AFF3: variants seen among roughly 807,000 people sequenced by gnomAD.
The protein encoded by AFF3 is AF4/FMR2 family member 3.
Under a neutral mutation model 129.7 loss-of-function variants are expected in AFF3, and 32 were observed. The observed-to-expected ratio is 0.25, with a 90% CI of 0.19 to 0.33. The LOEUF (loss-of-function observed/expected upper bound fraction) is 0.33, where lower values mean the gene tolerates loss of function less well. Among genes scored for constraint, AFF3 ranks in the 10% least tolerant of loss-of-function variants. The pLI is 1.00. For missense variants in AFF3, 1,373 were observed against 1,592.0 expected (o/e 0.86, Z 2.34); for synonymous variants, 644 against 635.4 (o/e 1.01, Z -0.20).
In AFF3 at chr2:99,553,186, C is replaced by T. The variant is rs55849136; in HGVS notation, c.3559+1125G>A. ...TCCTGACCTCAGGCGATCCACTCAC[C>T]TCAGCCTCCCAAAATCTAAGTGCTT... On this transcript the variant is annotated intron_variant, in intron 24 of 24. Coordinates refer to ENST00000672756, the MANE Select transcript of AFF3 (RefSeq NM_001386135.1). Among the ~76,000 whole-genome samples, 443 of 152,306 alleles carry T rather than the reference C, an allele frequency of 2.9e-3. 3 individuals are homozygous for T. The highest frequency in any genetic ancestry group is 0.01 in the African/African-American group (424 of 41,568).
At chr2:99,553,212 T>G (rs1341059830) in intron 24 of AFF3, among the ~76,000 whole-genome samples, 1 of 152,142 alleles carries the variant, frequency 6.6e-6, no homozygotes, top group Non-Finnish European at 1.5e-5. Context: ...CTAAGTGCTT[T>G]TCAAAGCCCT....
chr2:99,560,299 C>G, intron 21 of AFF3, 66 bp downstream of exon 21: 1 of 1,534,766 alleles, frequency 6.5e-7, no homozygotes, highest in East Asian at 2.2e-5. Flanking sequence ...TGCCTTTCAG[C>G]ACCTGGTTTG....
In AFF3 at chr2:99,546,673, G is replaced by A. The variant is rs1346850267; in HGVS notation, c.*4801C>T. 2 of 230,368 alleles carry A rather than the reference G, an allele frequency of 8.7e-6. No homozygotes were observed. The allele number at this position is 230,368 out of a possible 1,614,324, so 14.3% of individuals were successfully genotyped here. ...CCCTCCCACATAGGGGATGCTTCAT[G>A]TCAAGCCACTGGTCTAATGCCTCCG... On this transcript the variant is annotated 3_prime_UTR_variant, in exon 25 of 25. Coordinates refer to ENST00000672756, the MANE Select transcript of AFF3 (RefSeq NM_001386135.1).
In AFF3 at chr2:99,686,693, C is replaced by T. The variant is rs150347801; in HGVS notation, c.1092-14104G>A. 1.9e-4 allele frequency among the ~76,000 whole-genome samples: 29 copies of T among 152,272 alleles called. 2 individuals are homozygous for T. The East Asian group carries it at 4.1e-3, about 21-fold the overall frequency. ...TAATGGTAGAATTTTTAAGGTACAG[C>T]GGTAGCCCCCAAATGGGCCATTTTT... On this transcript the variant is annotated intron_variant, in intron 11 of 24. Transcript: ENST00000672756.
chr2:100,033,190 T>C (rs1200667935), intron 4 of AFF3, among the ~76,000 whole-genome samples: 1 of 152,160 alleles, frequency 6.6e-6, no homozygotes, highest in Non-Finnish European at 1.5e-5. Flanking sequence ...AGTCCCTGAG[T>C]GAGGCCAATG....
intron 7 of AFF3, among the ~76,000 whole-genome samples, chr2:99,936,737 CT>C (rs1674559098): frequency 1.3e-5 from 2 of 152,200 alleles, no homozygotes; most frequent in African/African-American, 4.8e-5. Flanking sequence ...TGCAAACACG[CT>C]TGCTAAAAAG....
intron 4 of AFF3, among the ~76,000 whole-genome samples, chr2:100,095,902 A>C (rs1328561322): frequency 6.6e-6 from 1 of 152,176 alleles, no homozygotes. Context: ...CGCAGAGAGA[A>C]GAAGGTTGGC....
At chr2:99,764,137 T>C (rs1240370229) in intron 8 of AFF3, among the ~76,000 whole-genome samples, 1 of 152,212 alleles carries the variant, frequency 6.6e-6, no homozygotes, top group Non-Finnish European at 1.5e-5. Context: ...TCCCACTTGC[T>C]CCTTGGTCTG....
intron 13 of AFF3, among the ~76,000 whole-genome samples, chr2:99,615,906 G>A (rs1170348077): frequency 2.0e-5 from 3 of 152,256 alleles, no homozygotes; most frequent in Non-Finnish European, 4.4e-5. Context: ...TATGGGCAGG[G>A]AAGCTCCTAC....
chr2:100,011,674 G>A (rs945440534), intron 4 of AFF3: 38 of 742,018 alleles, frequency 5.1e-5, no homozygotes, highest in Non-Finnish European at 8.5e-5. Context: ...TCCAGAAGCC[G>A]AGGGGAAAGA....
intron 7 of AFF3, among the ~76,000 whole-genome samples, chr2:99,977,160 C>T (rs113682576): frequency 2.6e-4 from 39 of 152,278 alleles, no homozygotes; most frequent in Non-Finnish European, 4.4e-4. Context: ...TGTCTGAAGT[C>T]AGGAGGATAA....
At chr2:99,625,909 T>C (rs899795210) in intron 13 of AFF3, among the ~76,000 whole-genome samples, 2 of 152,228 alleles carry the variant, frequency 1.3e-5, no homozygotes, top group African/African-American at 4.8e-5. Flanking sequence ...AAAACCTGTT[T>C]ACATCTTGGT....
chr2:99,781,910 T>G (rs1416357777), intron 8 of AFF3, among the ~76,000 whole-genome samples: 1 of 152,180 alleles, frequency 6.6e-6, no homozygotes, highest in Non-Finnish European at 1.5e-5. Context: ...AAAAAAATCT[T>G]ATAATTCTGT....
intron 4 of AFF3, among the ~76,000 whole-genome samples, chr2:100,082,830 T>C (rs1427402347): frequency 2.0e-5 from 3 of 152,154 alleles, no homozygotes; most frequent in Non-Finnish European, 2.9e-5. Context: ...CCTGTAATCC[T>C]AGAACTTTGG....
At chr2:100,001,472 A>G (rs1681404217) in intron 7 of AFF3, among the ~76,000 whole-genome samples, 1 of 152,208 alleles carries the variant, frequency 6.6e-6, no homozygotes. Flanking sequence ...TCTGTCGCCC[A>G]GACTGGACTG....
intron 16 of AFF3, among the ~76,000 whole-genome samples, chr2:99,584,397 AG>A (rs1267471623): frequency 6.6e-6 from 1 of 152,176 alleles, no homozygotes; most frequent in Non-Finnish European, 1.5e-5. Flanking sequence ...CGCTTGGGAG[AG>A]GTGGACGTTG....
chr2:99,866,793 A>G (rs1691436273), intron 7 of AFF3, among the ~76,000 whole-genome samples: 1 of 151,884 alleles, frequency 6.6e-6, no homozygotes, highest in Non-Finnish European at 1.5e-5. Context: ...CCTGGCCAAC[A>G]TGGTGAAACC....
intron 7 of AFF3, among the ~76,000 whole-genome samples, chr2:99,882,055 G>GTC (rs754624516): frequency 7.3e-4 from 109 of 148,538 alleles, no homozygotes; most frequent in East Asian, 3.3e-3. Flanking sequence ...TCATTTGCCT[G>GTC]TCTCTCTCTC....
chr2:99,596,832 C>T (rs968706408), intron 14 of AFF3, among the ~76,000 whole-genome samples: 3 of 152,212 alleles, frequency 2.0e-5, no homozygotes, highest in Non-Finnish European at 4.4e-5. Context: ...TTTTTCTGCA[C>T]TTCACAGCTG....
Sources: gnomAD v4.1 joint callset for allele counts (sites outside exome capture counted in the v4.1 genomes callset) on GRCh38, gnomAD v4.1.1 for gene constraint, MANE v1.5 for transcripts, NCBI Gene and HGNC (gene_info 2026-07-23, HGNC 2026-07-21) for gene names.